TMEM165: variants seen among roughly 807,000 people sequenced by gnomAD.
The protein encoded by TMEM165 is putative divalent cation/proton antiporter TMEM165.
Under a neutral mutation model 30.0 loss-of-function variants are expected in TMEM165, and 19 were observed. That is an observed-to-expected ratio of 0.63 (90% CI 0.44 to 0.93). TMEM165 has a LOEUF of 0.93. TMEM165 is among the 40% of genes least tolerant of loss of function. TMEM165 has a pLI of 0.00. For missense variants in TMEM165, 340 were observed against 417.0 expected, an observed-to-expected ratio of 0.82 and a Z score of 1.61; for synonymous variants, 168 against 162.9, an observed-to-expected ratio of 1.03 and a Z score of -0.24.
intron 3 of TMEM165, among the ~76,000 whole-genome samples, chr4:55,436,057 T>C (rs1722853537): frequency 6.6e-6 from 1 of 152,164 alleles, no homozygotes; most frequent in Admixed American, 6.5e-5. Context: ...GTAGACTGAA[T>C]GGTTCAAACT....
intron 4 of TMEM165, among the ~76,000 whole-genome samples, chr4:55,420,098 G>GAAAAAAAAAAAAAAAAA (rs370641089): frequency 9.1e-5 from 4 of 43,776 alleles, no homozygotes; most frequent in Admixed American, 3.2e-4. Flanking sequence ...ACTATCTTAA[G>GAAAAAAAAAAAAAAAAA]AAAAAAAAAT....
rs6855837 is a variant in TMEM165, at chr4:55,453,077, G to T, written c.*771G>T. ...ACTTTGTCAGCAGCTGTCTCAGGAA[G>T]AGACTCTTCAATGCCAAGTTCTCGT... On this transcript the variant is annotated 3_prime_UTR_variant, in exon 4 of 4. Coordinates refer to the TMEM165 transcript ENST00000608091. The T allele has an allele frequency of 0.015, 23,586 of 1,611,712 alleles. 2,925 individuals carry two copies. In the African/African-American group the frequency reaches 0.27, roughly 19 times the overall value.
intron 3 of TMEM165, chr4:55,444,768 T>G (rs756941305): frequency 6.2e-7 from 1 of 1,613,946 alleles, no homozygotes; most frequent in Admixed American, 1.7e-5. Flanking sequence ...TGGCTCCTAA[T>G]TGAGCTGAAA....
downstream of TMEM165, chr4:55,429,666 A>G (rs2109586559): frequency 6.6e-6 from 1 of 152,378 alleles, no homozygotes; most frequent in South Asian, 2.1e-4. Flanking sequence ...CCAAATGGGC[A>G]AAATAGAGGC....
In TMEM165 at chr4:55,396,040, G is replaced by A; in HGVS notation, c.-150G>A. The A allele has an allele frequency of 1.8e-6, 1 of 542,736 alleles. No individual in the cohort carries two copies. Among genetic ancestry groups the A allele is most frequent in the Non-Finnish European group, 2.8e-6 (1 of 355,610 alleles). The allele number at this position is 542,736 out of a possible 1,614,324, so 33.6% of individuals were successfully genotyped here. A position where few individuals can be genotyped will look rare whatever the true frequency, so the allele number is the denominator to read the frequency against. Reference sequence around the variant, plus strand: ...GCCTGCCCCTCACCTCACTCCCGCTGCTTGCACCTCCCGGATGGTGCTGAC... The same window carrying A: ...GCCTGCCCCTCACCTCACTCCCGCTACTTGCACCTCCCGGATGGTGCTGAC... On this transcript the variant is annotated 5_prime_UTR_variant, in exon 1 of 6. Coordinates refer to ENST00000381334, the MANE Select transcript of TMEM165 (RefSeq NM_018475.5).
chr4:55,448,632 G>GTGTGTC, intron 3 of TMEM165: 1 of 605,588 alleles, frequency 1.7e-6, no homozygotes, highest in Non-Finnish European at 3.0e-6. Flanking sequence ...GTGTGTGTGT[G>GTGTGTC]TGTGTGTGTG....
At chr4:55,450,420 C>T (rs556917990) in intron 3 of TMEM165, among the ~76,000 whole-genome samples, 1 of 152,238 alleles carries the variant, frequency 6.6e-6, no homozygotes, top group African/African-American at 2.4e-5. Context: ...GCTTCATTTT[C>T]TATTTAAAGA....
chr4:55,437,807 TA>T (rs1723007070), intron 3 of TMEM165, among the ~76,000 whole-genome samples: 1 of 152,204 alleles, frequency 6.6e-6, no homozygotes, highest in Admixed American at 6.5e-5. Flanking sequence ...ATAGATATAC[TA>T]CACCTCCATG....
At chr4:55,440,393 C>T (rs973559722) in intron 3 of TMEM165, among the ~76,000 whole-genome samples, 1 of 152,100 alleles carries the variant, frequency 6.6e-6, no homozygotes, top group Non-Finnish European at 1.5e-5. Context: ...CTTTGTGGAA[C>T]AATATTATTT....
intron 3 of TMEM165, among the ~76,000 whole-genome samples, chr4:55,446,002 G>T (rs1365967726): frequency 6.6e-6 from 1 of 151,710 alleles, no homozygotes; most frequent in Non-Finnish European, 1.5e-5. Flanking sequence ...GTATGCTTCT[G>T]GCTTCTGACT....
intron 1 of TMEM165, among the ~76,000 whole-genome samples, chr4:55,400,625 G>A (rs1203870075): frequency 1.3e-5 from 2 of 148,422 alleles, no homozygotes; most frequent in Non-Finnish European, 1.5e-5. Context: ...TTTTAGTAGA[G>A]ACGAGGTTTT....
chr4:55,446,101 CTTTTTTT>C (rs766235766), intron 3 of TMEM165, among the ~76,000 whole-genome samples: 1 of 107,372 alleles, frequency 9.3e-6, no homozygotes. Context: ...AATTTAACTT[CTTTTTTT>C]TTTTTTTTTT....
intron 1 of TMEM165, among the ~76,000 whole-genome samples, chr4:55,400,226 A>ATTAT (rs1560385695): frequency 5.2e-5 from 2 of 38,322 alleles, no homozygotes; most frequent in Admixed American, 5.5e-4. Flanking sequence ...TTATATATTA[A>ATTAT]TATATTAATG....
chr4:55,448,601 C>CGCGCGAGT, intron 3 of TMEM165, among the ~76,000 whole-genome samples: 1 of 117,038 alleles, frequency 8.5e-6, no homozygotes. Flanking sequence ...CGCACGCGCG[C>CGCGCGAGT]GTGTGTGTGT....
chr4:55,447,195 T>C (rs1387996867), intron 3 of TMEM165, among the ~76,000 whole-genome samples: 2 of 151,960 alleles, frequency 1.3e-5, no homozygotes, highest in African/African-American at 4.8e-5. Flanking sequence ...GGCAAAACCC[T>C]GTCTCTACTA....
intron 1 of TMEM165, among the ~76,000 whole-genome samples, chr4:55,400,371 A>C (rs1387211314): frequency 6.2e-5 from 3 of 48,284 alleles, no homozygotes; most frequent in Non-Finnish European, 1.4e-4. Context: ...AATTAATTAT[A>C]TTAATATAAT....
intron 3 of TMEM165, among the ~76,000 whole-genome samples, chr4:55,438,048 A>G (rs1233707099): frequency 6.6e-6 from 1 of 152,226 alleles, no homozygotes; most frequent in Non-Finnish European, 1.5e-5. Context: ...CACTCTGTCC[A>G]GCAGTTCTGA....
intron 1 of TMEM165, among the ~76,000 whole-genome samples, chr4:55,400,216 T>TGA: frequency 4.6e-5 from 1 of 21,552 alleles, no homozygotes; most frequent in Admixed American, 7.5e-4. Context: ...TATATTTATA[T>TGA]TATATATTAA....
At chr4:55,403,515 A>G (rs1560388088) in intron 1 of TMEM165, among the ~76,000 whole-genome samples, 1 of 88,510 alleles carries the variant, frequency 1.1e-5, no homozygotes, top group Non-Finnish European at 2.4e-5. Context: ...TTTTTTTTAC[A>G]ATTTTTACAT....
Sources: allele counts gnomAD v4.1 joint callset (sites outside exome capture counted in the v4.1 genomes callset), GRCh38; gene constraint gnomAD v4.1.1; transcripts MANE v1.5; gene names NCBI Gene and HGNC (gene_info 2026-07-23, HGNC 2026-07-21).